Variants in ASIC2 observed in about 807,000 individuals in gnomAD.
ASIC2 encodes the protein acid sensing ion channel subunit 2, also known as acid-sensing ion channel 2.
Under a neutral mutation model 57.3 loss-of-function variants are expected in ASIC2, and 25 were observed. The observed-to-expected ratio is 0.44, with a 90% CI of 0.32 to 0.61. The LOEUF is 0.61. ASIC2 is among the 20% of genes least tolerant of loss of function. ASIC2 has a pLI of 0.06. For synonymous variants in ASIC2, 319 were observed against 307.5 expected (o/e 1.04, Z -0.39); for missense variants, 641 against 738.1 (o/e 0.87, Z 1.52).
intron 1 of ASIC2, chr17:34,069,877 A>G (rs1285339046): frequency 6.6e-6 from 1 of 152,170 alleles, no homozygotes; most frequent in Non-Finnish European, 1.5e-5. Context: ...TTAGGCTTGA[A>G]GCCCAACCTG....
intron 1 of ASIC2, among the ~76,000 whole-genome samples, chr17:33,717,917 C>T (rs541437643): frequency 2.0e-4 from 31 of 152,260 alleles, no homozygotes; most frequent in African/African-American, 6.3e-4. Context: ...ATTTTATTAT[C>T]GTAGGGAGTA....
chr17:33,757,204 C>T (rs1910630534), intron 1 of ASIC2, among the ~76,000 whole-genome samples: 1 of 152,198 alleles, frequency 6.6e-6, no homozygotes, highest in South Asian at 2.1e-4. Context: ...GAGTGAGATT[C>T]TGGAAGATTC....
Position 34,099,156 on chromosome 17 carries a change from GAGAGAGAGAAAGAAAGAAAGAAAGAA to G in ASIC2, c.555+56796_555+56821del, listed in dbSNP as rs1910685879. Among the ~76,000 whole-genome samples the G allele has an allele frequency of 1.3e-3, 17 of 12,604 alleles. 2 individuals are homozygous for G. Among genetic ancestry groups the G allele is most frequent in the Middle Eastern group, 0.031 (1 of 32 alleles). The allele number at this position is 12,604 out of a possible 152,430, so 8.3% of individuals were successfully genotyped here. ...AGAGAGAGAGAGAGACAGAGAGAGA[GAGAGAGAGAAAGAAAGAAAGAAAGAA>G]AGAAAGAAAGAAAGAAAGAAAGAAA... On this transcript the variant is annotated intron_variant, in intron 1 of 9. Coordinates refer to the ASIC2 transcript ENST00000359872.
At chr17:33,709,776 A>G (rs1465639800) in intron 1 of ASIC2, among the ~76,000 whole-genome samples, 1 of 152,214 alleles carries the variant, frequency 6.6e-6, no homozygotes, top group Non-Finnish European at 1.5e-5. Context: ...AGAACCCTTA[A>G]TATGCAGAGA....
At chr17:33,831,106 CAAAAAAAAAAAAAAAA>C (rs56841196) in intron 1 of ASIC2, among the ~76,000 whole-genome samples, 3 of 22,964 alleles carry the variant, frequency 1.3e-4, no homozygotes, top group East Asian at 2.9e-3. Flanking sequence ...AAGGCTCTGT[CAAAAAAAAAAAAAAAA>C]AAAAAAAAAA....
chr17:33,662,669 A>AAAAT (rs72105243), intron 1 of ASIC2, among the ~76,000 whole-genome samples: 1 of 50,020 alleles, frequency 2.0e-5, no homozygotes, highest in African/African-American at 1.2e-4. Context: ...ATAAATAAAT[A>AAAAT]AGTAAAATAA....
upstream of ASIC2, among the ~76,000 whole-genome samples, chr17:33,294,805 A>C (rs566593748): frequency 6.6e-6 from 1 of 152,298 alleles, no homozygotes; most frequent in African/African-American, 2.4e-5. Flanking sequence ...AAGCTATTGC[A>C]GTTGGGCATT....
chr17:33,021,383 T>C, intron 6 of ASIC2, 73 bp from the exon 7 acceptor site: 2 of 1,238,792 alleles, frequency 1.6e-6, no homozygotes, highest in African/African-American at 1.5e-5. Context: ...AATACAGCTT[T>C]CCCATGGAAA....
intron 1 of ASIC2, among the ~76,000 whole-genome samples, chr17:34,131,156 C>T (rs576142974): frequency 6.6e-6 from 1 of 152,146 alleles, no homozygotes; most frequent in East Asian, 1.9e-4. Flanking sequence ...CAGAGTTAGG[C>T]TTTGCACCAT....
chr17:33,839,349 G>A (rs1260214474), intron 1 of ASIC2, among the ~76,000 whole-genome samples: 1 of 152,140 alleles, frequency 6.6e-6, no homozygotes, highest in African/African-American at 2.4e-5. Context: ...ATGATAAACT[G>A]GCCATCACAT....
chr17:33,066,745 T>G (rs2092045104), intron 3 of ASIC2, among the ~76,000 whole-genome samples: 1 of 152,178 alleles, frequency 6.6e-6, no homozygotes, highest in Admixed American at 6.5e-5. Flanking sequence ...CTGCTATACC[T>G]GGAAACCACG....
At chr17:33,795,157 T>TAC (rs1305489667) in intron 1 of ASIC2, among the ~76,000 whole-genome samples, 1 of 152,250 alleles carries the variant, frequency 6.6e-6, no homozygotes, top group East Asian at 1.9e-4. Flanking sequence ...AGACTGTCTG[T>TAC]ACTGAATGGT....
chr17:33,843,152 TATTG>T (rs954493679), intron 1 of ASIC2, among the ~76,000 whole-genome samples: 1 of 152,230 alleles, frequency 6.6e-6, no homozygotes, highest in Non-Finnish European at 1.5e-5. Context: ...TCTGTTTCCT[TATTG>T]ATTGTCTTTC....
chr17:34,148,889 AAGAG>A (rs1475416639), intron 1 of ASIC2, among the ~76,000 whole-genome samples: 1 of 152,190 alleles, frequency 6.6e-6, no homozygotes, highest in African/African-American at 2.4e-5. Context: ...GAGACTCAAG[AAGAG>A]AGCAAGCTAA....
At chr17:33,380,966 AAAAGTGGGCC>A (rs1192432759) in intron 1 of ASIC2, among the ~76,000 whole-genome samples, 1 of 152,170 alleles carries the variant, frequency 6.6e-6, no homozygotes, top group Non-Finnish European at 1.5e-5. Flanking sequence ...CCAGTGAGAA[AAAAGTGGGCC>A]AAAGAGGCCC....
In ASIC2 at chr17:33,709,563, T is replaced by A. The variant is rs564407664; in HGVS notation, c.555+446415A>T. On this transcript the variant is annotated intron_variant, in intron 1 of 9. Transcript: ENST00000359872. ...GCACTGTGATCTCAGGCTTCCAGCC[T>A]CCAGACTGAGAAGTAAATTTCTGTT... 7.0e-4 allele frequency among the ~76,000 whole-genome samples: 106 copies of A among 152,234 alleles called. 1 individual carries two copies. The highest frequency in any genetic ancestry group is 8.8e-4 in the Non-Finnish European group (60 of 68,048).
intron 1 of ASIC2, among the ~76,000 whole-genome samples, chr17:33,129,524 C>A (rs558199698): frequency 6.6e-6 from 1 of 152,332 alleles, no homozygotes; most frequent in South Asian, 2.1e-4. Flanking sequence ...AATAAAATAA[C>A]AACTAAAGTG....
chr17:33,316,773 G>A (rs1194581304), intron 1 of ASIC2, among the ~76,000 whole-genome samples: 5 of 152,210 alleles, frequency 3.3e-5, no homozygotes, highest in South Asian at 2.1e-4. Context: ...AGCAATTCAC[G>A]GTATAAAACT....
intron 1 of ASIC2, among the ~76,000 whole-genome samples, chr17:33,658,149 A>C (rs1342275517): frequency 6.6e-6 from 1 of 152,196 alleles, no homozygotes; most frequent in Non-Finnish European, 1.5e-5. Context: ...GCTCAGTCCA[A>C]TTTGCTACTC....
Sources: gnomAD v4.1 joint callset for allele counts (sites outside exome capture counted in the v4.1 genomes callset) on GRCh38, gnomAD v4.1.1 for gene constraint, MANE v1.5 for transcripts, NCBI Gene and HGNC (gene_info 2026-07-23, HGNC 2026-07-21) for gene names.